GTF2H1: variants seen among roughly 807,000 people sequenced by gnomAD.
GTF2H1 encodes BTF2 p62.
GTF2H1 carries 16 observed loss-of-function variants against 71.2 expected under a neutral mutation model. That is an observed-to-expected ratio of 0.22 (90% CI 0.15 to 0.34). GTF2H1 has a LOEUF of 0.34. GTF2H1 is among the 10% of genes least tolerant of loss of function. The probability of loss-of-function intolerance (pLI) is 1.00; values close to 1 mark genes in which losing one functional copy is unlikely to be tolerated. For missense variants in GTF2H1, 498 were observed against 648.2 expected (o/e 0.77, Z 2.52); for synonymous variants, 215 against 219.0 (o/e 0.98, Z 0.16).
intron 11 of GTF2H1, among the ~76,000 whole-genome samples, chr11:18,353,570 C>A (rs1231338874): frequency 6.6e-6 from 1 of 152,210 alleles, no homozygotes; most frequent in Non-Finnish European, 1.5e-5. Context: ...AATAATTACT[C>A]AAGACTCAGC....
chr11:18,346,000 C>T (rs1865285356), intron 7 of GTF2H1, among the ~76,000 whole-genome samples: 1 of 150,864 alleles, frequency 6.6e-6, no homozygotes, highest in African/African-American at 2.4e-5. Context: ...CCGTGTTAGC[C>T]AGGATGGCCT....
chr11:18,357,674 T>C lies in GTF2H1; in HGVS notation c.1261-278T>C, dbSNP rs756705721. On this transcript the variant is annotated intron_variant, in intron 11 of 14. Coordinates refer to ENST00000265963, the MANE Select transcript of GTF2H1 (RefSeq NM_005316.4). ...TTCTCATATTAAATTGAATTGGTAC[T>C]TAAGAAAGGGCTTTAACTAGGCAAA... Among the ~76,000 whole-genome samples the C allele has an allele frequency of 1.8e-4, 27 of 152,208 alleles. 1 individual carries two copies. The highest frequency in any genetic ancestry group is 5.9e-5 in the Non-Finnish European group (4 of 68,030).
intron 11 of GTF2H1, 98 bp from the exon 12 acceptor site, chr11:18,357,854 C>A: frequency 1.3e-6 from 1 of 747,584 alleles, no homozygotes; most frequent in African/African-American, 1.7e-5. Context: ...AGGAAAAGCA[C>A]TTCATTGTCT....
intron 9 of GTF2H1, among the ~76,000 whole-genome samples, chr11:18,350,305 T>C (rs530060427): frequency 1.3e-5 from 2 of 152,288 alleles, no homozygotes; most frequent in East Asian, 1.9e-4. Context: ...TGGATTGTTA[T>C]GGGAGCTTGG....
intron 14 of GTF2H1, among the ~76,000 whole-genome samples, chr11:18,360,996 G>A (rs1168748414): frequency 6.6e-6 from 1 of 151,518 alleles, no homozygotes; most frequent in Non-Finnish European, 1.5e-5. Flanking sequence ...GTAGAGACGG[G>A]GTTTCACCAT....
intron 11 of GTF2H1, among the ~76,000 whole-genome samples, chr11:18,354,604 C>G (rs1230671858): frequency 6.6e-6 from 1 of 151,982 alleles, no homozygotes; most frequent in Non-Finnish European, 1.5e-5. Flanking sequence ...AAACTTACAT[C>G]TGGTAGTTTT....
chr11:18,360,709 TA>T lies in GTF2H1; in HGVS notation c.1560+4del. 1 of 1,484,060 alleles carries T rather than the reference TA, an allele frequency of 6.7e-7. No individual in the cohort carries two copies. Among genetic ancestry groups the T allele is most frequent in the South Asian group, 1.3e-5 (1 of 78,998 alleles). 91.9% of individuals were successfully genotyped at this position (1,484,060 alleles called of 1,614,324 possible). A position where few individuals can be genotyped will look rare whatever the true frequency, so the allele number is the denominator to read the frequency against. ...CGGAGACAGTATTTAAGCACAAATG[TA>T]AGGCAGCAATCTGATTTTTGCCTGA... On this transcript the variant is annotated splice_donor_region_variant and intron_variant, in intron 14 of 14. Coordinates refer to ENST00000265963, the MANE Select transcript of GTF2H1 (RefSeq NM_005316.4).
At chr11:18,330,479 A>G (rs535235081) in intron 1 of GTF2H1, among the ~76,000 whole-genome samples, 3 of 152,326 alleles carry the variant, frequency 2.0e-5, no homozygotes, top group East Asian at 1.9e-4. Context: ...GAAGAGGGCT[A>G]CATGAAGTAC....
chr11:18,352,536 T>C (rs1865450619), intron 11 of GTF2H1, 90 bp downstream of exon 11: 2 of 608,462 alleles, frequency 3.3e-6, no homozygotes, highest in African/African-American at 1.9e-5. Context: ...ACAACTAATA[T>C]TTTAATTGGG....
chr11:18,329,638 C>G (rs1195072849), intron 1 of GTF2H1, among the ~76,000 whole-genome samples: 1 of 152,208 alleles, frequency 6.6e-6, no homozygotes, highest in African/African-American at 2.4e-5. Flanking sequence ...ACCATCCAAC[C>G]TCATATCCTA....
intron 7 of GTF2H1, among the ~76,000 whole-genome samples, chr11:18,345,375 C>A (rs956512642): frequency 6.6e-6 from 1 of 152,110 alleles, no homozygotes; most frequent in African/African-American, 2.4e-5. Flanking sequence ...TGCATTCACA[C>A]TCCTCTCAGA....
At chr11:18,336,347 G>A (rs542809823) in intron 3 of GTF2H1, among the ~76,000 whole-genome samples, 7 of 151,898 alleles carry the variant, frequency 4.6e-5, no homozygotes, top group Admixed American at 2.6e-4. Context: ...GGCTGGTCTC[G>A]AACTTCCTGA....
chr11:18,340,320 C>T (rs1319554078), intron 5 of GTF2H1, among the ~76,000 whole-genome samples: 2 of 151,806 alleles, frequency 1.3e-5, no homozygotes, highest in Non-Finnish European at 2.9e-5. Flanking sequence ...CAGAGTCTTG[C>T]TCTGTCAACC....
At chr11:18,352,284 TCTTTA>T (rs1865445339) in intron 10 of GTF2H1, 40 bp from the exon 11 acceptor site, 1 of 870,838 alleles carries the variant, frequency 1.1e-6, no homozygotes, top group South Asian at 1.4e-5. Flanking sequence ...ATGTTGAGCA[TCTTTA>T]CTGTGTGTGA....
At chr11:18,343,944 C>T (rs553623642) in intron 7 of GTF2H1, among the ~76,000 whole-genome samples, 2 of 152,296 alleles carry the variant, frequency 1.3e-5, no homozygotes, top group Non-Finnish European at 2.9e-5. Context: ...AGCAATCTGC[C>T]TTAGGCTCCT....
Position 18,365,866 on chromosome 11 carries a change from G to T in GTF2H1, c.1644G>T (p.Thr548=). The change falls in exon 15 of 15, where the codon ACG becomes ACT. Residue 548 remains threonine, a synonymous_variant. Coordinates refer to ENST00000265963, the MANE Select transcript of GTF2H1 (RefSeq NM_005316.4). ...TWQSRRLMKK[T] ...AGTCACGGCGTCTGATGAAGAAAAC[G>T]TGAGGTGGCCATGATGCTTACAGGT... The T allele has an allele frequency of 1.2e-6, 2 of 1,609,522 alleles. No homozygotes were observed.
intron 7 of GTF2H1, among the ~76,000 whole-genome samples, chr11:18,344,295 C>G (rs1036929499): frequency 2.6e-5 from 4 of 152,004 alleles, no homozygotes; most frequent in Non-Finnish European, 5.9e-5. Flanking sequence ...GCTATCTTGT[C>G]TTTTATAGTT....
At chr11:18,326,817 C>T (rs1214768651) in intron 1 of GTF2H1, among the ~76,000 whole-genome samples, 1 of 152,122 alleles carries the variant, frequency 6.6e-6, no homozygotes, top group Non-Finnish European at 1.5e-5. Flanking sequence ...TTGCCAACTT[C>T]CCCGTCAGAT....
intron 1 of GTF2H1, among the ~76,000 whole-genome samples, chr11:18,327,225 G>T (rs775835200): frequency 2.0e-4 from 31 of 151,900 alleles, no homozygotes; most frequent in Non-Finnish European, 4.0e-4. Context: ...TGATAGAGAA[G>T]AAACTCTTGG....
Sources: gnomAD v4.1 joint callset for allele counts (sites outside exome capture counted in the v4.1 genomes callset) on GRCh38, gnomAD v4.1.1 for gene constraint, MANE v1.5 for transcripts, NCBI Gene and HGNC (gene_info 2026-07-23, HGNC 2026-07-21) for gene names.